Variants in FAT3 observed in about 807,000 individuals in gnomAD.
FAT3 encodes protocadherin Fat 3.
FAT3 carries 95 observed loss-of-function variants against 310.2 expected under a neutral mutation model. The ratio of observed to expected loss-of-function variants is 0.31; its 90% CI spans 0.26 to 0.36. FAT3 has a LOEUF of 0.36. Among genes scored for constraint, FAT3 ranks in the 10% least tolerant of loss-of-function variants. The probability of loss-of-function intolerance (pLI) is 1.00; values close to 1 mark genes in which losing one functional copy is unlikely to be tolerated. For synonymous variants in FAT3, 2,314 were observed against 2,192.9 expected, an observed-to-expected ratio of 1.06 and a Z score of -1.54; for missense variants, 5,408 against 5,715.6, an observed-to-expected ratio of 0.95 and a Z score of 1.74.
intron 13 of FAT3, among the ~76,000 whole-genome samples, chr11:92,812,384 C>G (rs1230906053): frequency 6.6e-6 from 1 of 152,018 alleles, no homozygotes; most frequent in African/African-American, 2.4e-5. Context: ...AGTTCATGAC[C>G]AGCCCGGCCA....
At chr11:92,648,854 C>T (rs1014099889) in intron 3 of FAT3, among the ~76,000 whole-genome samples, 3 of 152,172 alleles carry the variant, frequency 2.0e-5, no homozygotes, top group Non-Finnish European at 1.5e-5. Flanking sequence ...ACACTGCAGT[C>T]GGAAGCTGTC....
intron 4 of FAT3, among the ~76,000 whole-genome samples, chr11:92,746,296 A>G (rs1387677872): frequency 6.6e-6 from 1 of 152,200 alleles, no homozygotes; most frequent in Non-Finnish European, 1.5e-5. Flanking sequence ...GCAAATGAGG[A>G]GCAAAGCCAT....
At chr11:92,405,474 A>G (rs1591239708) in intron 2 of FAT3, among the ~76,000 whole-genome samples, 1 of 152,204 alleles carries the variant, frequency 6.6e-6, no homozygotes, top group Non-Finnish European at 1.5e-5. Context: ...ACAAGGCTCC[A>G]GTTTATACAT....
intron 2 of FAT3, among the ~76,000 whole-genome samples, chr11:92,385,734 T>A (rs1949604630): frequency 6.6e-6 from 1 of 152,214 alleles, no homozygotes. Flanking sequence ...ATTTTCATTA[T>A]AATGTAGCAA....
At chr11:92,613,250 A>G (rs1940650166) in intron 3 of FAT3, among the ~76,000 whole-genome samples, 1 of 152,180 alleles carries the variant, frequency 6.6e-6, no homozygotes, top group Non-Finnish European at 1.5e-5. Flanking sequence ...GGCCATTCAC[A>G]GGTGTGACTT....
intron 2 of FAT3, among the ~76,000 whole-genome samples, chr11:92,454,373 C>T (rs1043306792): frequency 6.6e-6 from 1 of 152,154 alleles, no homozygotes; most frequent in African/African-American, 2.4e-5. Context: ...CTTCTTCCCA[C>T]GAGTATAGTG....
At chr11:92,766,177 A>G (rs928887824) in intron 6 of FAT3, among the ~76,000 whole-genome samples, 2 of 152,232 alleles carry the variant, frequency 1.3e-5, no homozygotes, top group Non-Finnish European at 2.9e-5. Context: ...AAACAGCCCT[A>G]TGGCCCTTGA....
chr11:92,315,177 A>G (rs975510702), intron 1 of FAT3, among the ~76,000 whole-genome samples: 1 of 151,002 alleles, frequency 6.6e-6, no homozygotes, highest in Non-Finnish European at 1.5e-5. Context: ...AGCTGACATG[A>G]TCAGGGTCCT....
intron 7 of FAT3, among the ~76,000 whole-genome samples, chr11:92,783,661 G>C (rs537445855): frequency 1.1e-3 from 165 of 152,106 alleles, no homozygotes; most frequent in African/African-American, 3.9e-3. Context: ...AAAATTAGCC[G>C]GGCCTGGTGG....
intron 22 of FAT3, among the ~76,000 whole-genome samples, chr11:92,871,496 G>T (rs1419962254): frequency 2.0e-5 from 3 of 152,076 alleles, no homozygotes; most frequent in Non-Finnish European, 4.4e-5. Flanking sequence ...TGAATCCTGG[G>T]GAAACTTTGA....
intron 2 of FAT3, among the ~76,000 whole-genome samples, chr11:92,370,221 A>G (rs1454965253): frequency 6.6e-6 from 1 of 152,226 alleles, no homozygotes; most frequent in African/African-American, 2.4e-5. Flanking sequence ...CGTATCTTAG[A>G]ATCCATAATT....
chr11:92,645,502 A>AAC (rs990926109), intron 3 of FAT3, among the ~76,000 whole-genome samples: 61 of 151,692 alleles, frequency 4.0e-4, no homozygotes, highest in Non-Finnish European at 4.9e-4. Context: ...AAAAAAAAAA[A>AAC]AACAGGTAAA....
chr11:92,542,513 T>G (rs577221149), intron 3 of FAT3, among the ~76,000 whole-genome samples: 23 of 151,738 alleles, frequency 1.5e-4, no homozygotes, highest in Admixed American at 1.1e-3. Context: ...ATAACTCTGA[T>G]TAGAAAATGG....
At chr11:92,734,871 G>A (rs577609018) in intron 4 of FAT3, among the ~76,000 whole-genome samples, 33 of 152,212 alleles carry the variant, frequency 2.2e-4, no homozygotes, top group Non-Finnish European at 3.8e-4. Context: ...AAAGGAGCAT[G>A]GCTTGTGGAT....
At chr11:92,375,415 A>G (rs184283136) in intron 2 of FAT3, among the ~76,000 whole-genome samples, 95 of 152,330 alleles carry the variant, frequency 6.2e-4, no homozygotes, top group African/African-American at 2.1e-3. Flanking sequence ...AGCTGAGATT[A>G]CAAGTGTCAG....
chr11:92,466,632 G>A (rs977349805), intron 2 of FAT3, among the ~76,000 whole-genome samples: 2 of 150,584 alleles, frequency 1.3e-5, no homozygotes, highest in African/African-American at 4.9e-5. Context: ...TACACAATGT[G>A]CAGGTTAATT....
intron 4 of FAT3, among the ~76,000 whole-genome samples, chr11:92,736,996 C>A (rs1411885656): frequency 1.3e-5 from 2 of 152,100 alleles, no homozygotes; most frequent in Admixed American, 6.6e-5. Flanking sequence ...GAAGAAAGAG[C>A]CTTAACTATG....
intron 2 of FAT3, chr11:92,403,165 T>TGG (rs1950059884): frequency 6.6e-6 from 1 of 152,174 alleles, no homozygotes. Context: ...AAAATGAAGA[T>TGG]GGATATGGGG....
At chr11:92,445,655 G>T (rs1028119571) in intron 2 of FAT3, among the ~76,000 whole-genome samples, 3 of 152,054 alleles carry the variant, frequency 2.0e-5, no homozygotes, top group Non-Finnish European at 2.9e-5. Context: ...TATTTGTTTT[G>T]CATATATGAG....
Sources: allele counts gnomAD v4.1 joint callset (sites outside exome capture counted in the v4.1 genomes callset), GRCh38; gene constraint gnomAD v4.1.1; transcripts MANE v1.5; gene names NCBI Gene and HGNC (gene_info 2026-07-23, HGNC 2026-07-21).